The following HERC1 variants were observed in gnomAD, a reference collection of about 807,000 sequenced individuals.
HERC1 encodes HECT and RLD domain containing E3 ubiquitin protein ligase family member 1, also known as probable E3 ubiquitin-protein ligase HERC1.
HERC1 carries 160 observed loss-of-function variants against 554.3 expected under a neutral mutation model. The observed-to-expected ratio is 0.29, with a 90% CI of 0.25 to 0.33. HERC1 has a LOEUF of 0.33. Ranked by LOEUF, HERC1 falls within the 10% of genes least tolerant of loss-of-function variation. HERC1 has a pLI of 1.00. For missense variants in HERC1, 4,919 were observed against 5,918.5 expected (o/e 0.83, Z 5.54); for synonymous variants, 2,175 against 2,131.7 (o/e 1.02, Z -0.56).
chr15:63,826,003 T>A (rs2077889450), intron 1 of HERC1, among the ~76,000 whole-genome samples: 1 of 152,028 alleles, frequency 6.6e-6, no homozygotes, highest in Admixed American at 6.6e-5. Flanking sequence ...CCTCAGGTGA[T>A]CCACCCACCT....
intron 65 of HERC1, among the ~76,000 whole-genome samples, chr15:63,635,655 C>A (rs900854470): frequency 6.6e-6 from 1 of 152,164 alleles, no homozygotes; most frequent in Non-Finnish European, 1.5e-5. Context: ...GTATTAAGAA[C>A]TGTGTGGCAG....
chr15:63,693,459 A>T (rs993430571), intron 30 of HERC1, among the ~76,000 whole-genome samples: 6 of 151,896 alleles, frequency 4.0e-5, no homozygotes, highest in African/African-American at 1.5e-4. Flanking sequence ...GCCCAGGCTG[A>T]TCTTGAACTC....
rs1423329832 is a variant in HERC1 at position 63,756,659 on chromosome 15, A to G, written c.1311T>C (p.Leu437=). The part of the protein sequence containing the change: ...CGKGSYGRLG[L]GDSNNQSTLK... ...AAGTTGACTGATTATTGGAGTCTCC[A>G]AGGCCCAGTCTCCCATAGCTGCCTT... The change falls in exon 5 of 78, where the codon CTT becomes CTC. Residue 437 remains leucine, a synonymous_variant. Coordinates refer to ENST00000443617, the MANE Select transcript of HERC1 (RefSeq NM_003922.4). This position sits in a 1 kb window ranked among gnomAD's most constrained non-coding sequence, Gnocchi z 5.0. 1 of 1,613,172 alleles carries G rather than the reference A, an allele frequency of 6.2e-7. No homozygotes were observed. The highest frequency in any genetic ancestry group is 8.5e-7 in the Non-Finnish European group (1 of 1,179,464).
chr15:63,676,543 G>A (rs2071219003), intron 37 of HERC1, among the ~76,000 whole-genome samples: 1 of 152,022 alleles, frequency 6.6e-6, no homozygotes, highest in Admixed American at 6.5e-5. Context: ...GATCACTTGA[G>A]GTCAGGAGTT....
At chr15:63,780,014 A>G (rs2076241472) in intron 1 of HERC1, 1 of 149,182 alleles carries the variant, frequency 6.7e-6, no homozygotes, top group Non-Finnish European at 1.5e-5. Flanking sequence ...CTCCATCTCA[A>G]AAAAAAAAAA....
intron 25 of HERC1, among the ~76,000 whole-genome samples, chr15:63,702,030 T>C (rs1194735744): frequency 6.6e-6 from 1 of 152,152 alleles, no homozygotes; most frequent in African/African-American, 2.4e-5. Context: ...CCTTACAAGT[T>C]TGGTTTTTAA....
chr15:63,612,495 G>T lies in HERC1; in HGVS notation c.14156C>A (p.Thr4719Lys). 1 of 1,614,008 alleles carries T rather than the reference G, an allele frequency of 6.2e-7. No homozygotes were observed. Among genetic ancestry groups the T allele is most frequent in the Non-Finnish European group, 8.5e-7 (1 of 1,179,890 alleles). ...IVPVPLLSLL[T>K]AKQLEQMVCG... ...CACCATCTGCTCCAGTTGTTTTGCTGTGAGGAGGGACAGCAGCGGCACAGG... is the reference window on the plus strand; with the variant it reads ...CACCATCTGCTCCAGTTGTTTTGCTTTGAGGAGGGACAGCAGCGGCACAGG... The change falls in exon 77 of 78, where the codon ACA (threonine) becomes AAA (lysine). Residue 4719 changes from threonine (T) to lysine (K), a missense_variant. By Grantham distance (78) the Thr-to-Lys change is moderately conservative. Transcript: ENST00000443617. The surrounding 1 kb of genome is among the most constrained non-coding windows in gnomAD (Gnocchi z 5.0).
intron 13 of HERC1, among the ~76,000 whole-genome samples, chr15:63,733,532 T>C (rs1172400647): frequency 6.6e-6 from 1 of 152,132 alleles, no homozygotes; most frequent in Non-Finnish European, 1.5e-5. Flanking sequence ...TCACTTGAAA[T>C]CTAAACTAAT....
chr15:63,612,202 T>C lies in HERC1; in HGVS notation c.14400+49A>G, dbSNP rs2067632498. On this transcript the variant is annotated intron_variant, in intron 77 of 77. Coordinates refer to ENST00000443617, the MANE Select transcript of HERC1 (RefSeq NM_003922.4). This position sits in a 1 kb window ranked among gnomAD's most constrained non-coding sequence, Gnocchi z 5.0. ...GACCCTGTCTCAACAAAAACAACAATGAAGCAATAAGGCAGACATTACAAA... is the reference window on the plus strand; with the variant it reads ...GACCCTGTCTCAACAAAAACAACAACGAAGCAATAAGGCAGACATTACAAA... 3 of 1,477,744 alleles carry C rather than the reference T, an allele frequency of 2.0e-6. No individual in the cohort carries two copies. The highest frequency in any genetic ancestry group is 4.7e-5 in the East Asian group (2 of 42,150). 91.5% of individuals were successfully genotyped at this position (1,477,744 alleles called of 1,614,324 possible).
intron 36 of HERC1, 139 bp downstream of exon 36, chr15:63,679,938 C>T (rs1421260324): frequency 1.9e-6 from 1 of 516,412 alleles, no homozygotes; most frequent in South Asian, 3.3e-5. Flanking sequence ...CTGAAAGTAA[C>T]CTTCTTCTAG....
At chr15:63,789,586 T>TC (rs2076567028) in intron 1 of HERC1, among the ~76,000 whole-genome samples, 1 of 151,230 alleles carries the variant, frequency 6.6e-6, no homozygotes, top group South Asian at 2.1e-4. Flanking sequence ...TCACCCAAGG[T>TC]CAGGAGTTCG....
Position 63,727,581 on chromosome 15 carries a change from G to GT in HERC1, c.3346+65dup. ...AGATAGACTCCAATGGAAAAACACA[G>GT]TGATGTGTGCAAGAGGAACAACTTT... On this transcript the variant is annotated intron_variant, in intron 17 of 77. Coordinates refer to ENST00000443617, the MANE Select transcript of HERC1 (RefSeq NM_003922.4). The surrounding 1 kb of genome is among the most constrained non-coding windows in gnomAD (Gnocchi z 4.3). 1 of 1,129,188 alleles carries GT rather than the reference G, an allele frequency of 8.9e-7. No individual in the cohort carries two copies. Among genetic ancestry groups the GT allele is most frequent in the South Asian group, 1.5e-5 (1 of 66,630 alleles). The allele number at this position is 1,129,188 out of a possible 1,614,324, so 69.9% of individuals were successfully genotyped here. A position where few individuals can be genotyped will look rare whatever the true frequency, so the allele number is the denominator to read the frequency against.
intron 54 of HERC1, among the ~76,000 whole-genome samples, 173 bp downstream of exon 54, chr15:63,649,552 G>T (rs1362086445): frequency 6.6e-6 from 1 of 152,136 alleles, no homozygotes; most frequent in African/African-American, 2.4e-5. Context: ...TGGGGGCTAG[G>T]AGATAAATAT....
At chr15:63,770,873 A>C (rs1346660728) in intron 2 of HERC1, among the ~76,000 whole-genome samples, 1 of 152,190 alleles carries the variant, frequency 6.6e-6, no homozygotes, top group Non-Finnish European at 1.5e-5. Context: ...CCTAGTTCTC[A>C]GACAACAGTA....
chr15:63,818,370 C>T (rs79731249), intron 1 of HERC1, among the ~76,000 whole-genome samples: 2,004 of 152,236 alleles, frequency 0.013, 23 homozygotes, highest in East Asian at 0.023. Context: ...AAACCCTTTC[C>T]TGCCTGCCTA....
Position 63,729,584 on chromosome 15 carries a change from T to C in HERC1, c.2934A>G (p.Glu978=). The part of the protein sequence containing the change: ...DKFLLGTSSS[E]NSQPAHLHEL... Reference sequence around the variant, plus strand: ...CATGAAGATGAGCAGGCTGACTGTTTTCTGATGATGATGTTCCAAGTAGAA... The same window carrying C: ...CATGAAGATGAGCAGGCTGACTGTTCTCTGATGATGATGTTCCAAGTAGAA... Residue 978 remains glutamate, a synonymous_variant, in exon 15 of 78, where the codon GAA becomes GAG. Coordinates refer to ENST00000443617, the MANE Select transcript of HERC1 (RefSeq NM_003922.4). 1 of 1,613,814 alleles carries C rather than the reference T, an allele frequency of 6.2e-7. No homozygotes were observed. The highest frequency in any genetic ancestry group is 2.2e-5 in the East Asian group (1 of 44,876).
At chr15:63,652,701 G>C (rs1421778197) in intron 51 of HERC1, among the ~76,000 whole-genome samples, 160 bp from the exon 52 acceptor site, 1 of 152,140 alleles carries the variant, frequency 6.6e-6, no homozygotes, top group African/African-American at 2.4e-5. Context: ...TGCCCAGACT[G>C]GAGTGCAGTG....
chr15:63,613,779 G>A (rs568119948), intron 76 of HERC1, among the ~76,000 whole-genome samples: 1 of 152,152 alleles, frequency 6.6e-6, no homozygotes, highest in East Asian at 1.9e-4. Context: ...GCTGCAGTGA[G>A]TGCCACTGCA....
At chr15:63,657,453 A>ACTT (rs547619244) in intron 48 of HERC1, among the ~76,000 whole-genome samples, 1 of 151,914 alleles carries the variant, frequency 6.6e-6, no homozygotes, top group Non-Finnish European at 1.5e-5. Flanking sequence ...TTTGTGAAAC[A>ACTT]CTTCTTAATG....
Sources: allele counts gnomAD v4.1 joint callset (sites outside exome capture counted in the v4.1 genomes callset), GRCh38; gene constraint gnomAD v4.1.1; non-coding constraint Gnocchi (gnomAD v3.1); transcripts MANE v1.5; gene names NCBI Gene and HGNC (gene_info 2026-07-23, HGNC 2026-07-21).